KCNH5: variants seen among roughly 807,000 people sequenced by gnomAD.
KCNH5 encodes potassium voltage-gated channel subfamily H member 5.
A neutral mutation model predicts 96.1 loss-of-function variants in KCNH5; 46 were observed. The ratio of observed to expected loss-of-function variants is 0.48; its 90% confidence interval spans 0.38 to 0.61. KCNH5 has a LOEUF of 0.61. Ranked by LOEUF, KCNH5 falls within the 20% of genes least tolerant of loss-of-function variation. The pLI, the probability that KCNH5 is intolerant of heterozygous loss-of-function variation, is 0.00. For synonymous variants in KCNH5, 439 were observed against 449.8 expected (o/e 0.98, Z 0.30); for missense variants, 907 against 1,225.8 (o/e 0.74, Z 3.88).
intron 7 of KCNH5, among the ~76,000 whole-genome samples, chr14:62,873,832 A>T (rs1355288134): frequency 6.6e-6 from 1 of 152,198 alleles, no homozygotes. Context: ...TGCTGCTGAC[A>T]GACACAAAGT....
chr14:62,916,232 G>T (rs1178408684), intron 7 of KCNH5, among the ~76,000 whole-genome samples: 1 of 152,112 alleles, frequency 6.6e-6, no homozygotes, highest in Non-Finnish European at 1.5e-5. Context: ...GATTACAGGC[G>T]TGAGCCACCA....
chr14:63,003,760 C>T (rs1204315904), intron 3 of KCNH5, among the ~76,000 whole-genome samples: 6 of 148,712 alleles, frequency 4.0e-5, no homozygotes, highest in Non-Finnish European at 8.9e-5. Context: ...GCTGGGACTA[C>T]AAGGCGCCTG....
At chr14:62,756,074 A>G (rs1885617912) in intron 10 of KCNH5, among the ~76,000 whole-genome samples, 1 of 152,124 alleles carries the variant, frequency 6.6e-6, no homozygotes, top group African/African-American at 2.4e-5. Flanking sequence ...CCACCAAAAA[A>G]CTATTAGAAC....
chr14:62,840,043 A>C (rs114675677), intron 8 of KCNH5, among the ~76,000 whole-genome samples: 4,706 of 152,234 alleles, frequency 0.031, 93 homozygotes, highest in Middle Eastern at 0.044. Flanking sequence ...TTTCTCCCCC[A>C]TCAGACTCTG....
At chr14:62,897,526 T>C (rs988335420) in intron 7 of KCNH5, among the ~76,000 whole-genome samples, 1 of 151,916 alleles carries the variant, frequency 6.6e-6, no homozygotes, top group Non-Finnish European at 1.5e-5. Context: ...TGCTGGAATA[T>C]GGGGGGAAAA....
chr14:63,044,477 C>T (rs929306431), intron 1 of KCNH5, among the ~76,000 whole-genome samples: 1 of 152,076 alleles, frequency 6.6e-6, no homozygotes, highest in African/African-American at 2.4e-5. Flanking sequence ...TTAAGTCAAA[C>T]GAAATATATA....
intron 8 of KCNH5, among the ~76,000 whole-genome samples, chr14:62,835,500 T>G (rs902733931): frequency 6.6e-6 from 1 of 152,008 alleles, no homozygotes; most frequent in African/African-American, 2.4e-5. Context: ...TATTACCCAA[T>G]TAATGTAATA....
chr14:62,782,573 G>T lies in KCNH5; in HGVS notation c.1823-2649C>A, dbSNP rs189000189. Among the ~76,000 whole-genome samples the T allele has an allele frequency of 3.5e-4, 53 of 152,226 alleles. 1 individual carries two copies. The East Asian group carries it at 9.1e-3, about 26-fold the overall frequency. ...TACAGCATCATAATAACCAAAGGGA[G>T]GCCAAGGCAGGCGGATCACGAGGTC... On this transcript the variant is annotated intron_variant, in intron 9 of 10. Coordinates refer to ENST00000322893, the MANE Select transcript of KCNH5 (RefSeq NM_139318.5).
chr14:62,814,220 T>C (rs112159931), intron 8 of KCNH5, among the ~76,000 whole-genome samples: 1 of 147,108 alleles, frequency 6.8e-6, no homozygotes, highest in Non-Finnish European at 1.5e-5. Flanking sequence ...TTCTACCAGG[T>C]TTTTCACAAT....
intron 10 of KCNH5, among the ~76,000 whole-genome samples, chr14:62,770,135 C>T (rs368024284): frequency 5.9e-5 from 9 of 152,270 alleles, no homozygotes; most frequent in African/African-American, 2.2e-4. Flanking sequence ...AGTTGGAACA[C>T]CCATTGTCAC....
intron 10 of KCNH5, among the ~76,000 whole-genome samples, chr14:62,772,720 C>G (rs920235009): frequency 1.3e-5 from 2 of 151,280 alleles, no homozygotes; most frequent in East Asian, 3.9e-4. Flanking sequence ...ACCAGTACAG[C>G]AGTATTGACA....
intron 1 of KCNH5, among the ~76,000 whole-genome samples, chr14:63,026,117 G>A (rs1330212320): frequency 6.6e-6 from 1 of 151,950 alleles, no homozygotes; most frequent in African/African-American, 2.4e-5. Context: ...ATGAGGAAAG[G>A]GCAATCTCTT....
intron 10 of KCNH5, among the ~76,000 whole-genome samples, chr14:62,736,401 A>AG (rs964400400): frequency 2.7e-5 from 4 of 149,552 alleles, no homozygotes; most frequent in Middle Eastern, 3.2e-3. Context: ...CACCTTAATA[A>AG]AAAAAAAAAG....
intron 8 of KCNH5, among the ~76,000 whole-genome samples, chr14:62,805,795 T>G (rs1253881272): frequency 6.6e-6 from 1 of 152,188 alleles, no homozygotes; most frequent in African/African-American, 2.4e-5. Flanking sequence ...TTTTCAGAGT[T>G]GTTTGTCCCC....
chr14:62,979,654 A>G (rs565163143), intron 6 of KCNH5, among the ~76,000 whole-genome samples: 29 of 152,170 alleles, frequency 1.9e-4, no homozygotes, highest in Non-Finnish European at 2.9e-4. Flanking sequence ...TATTATCATA[A>G]TGAACATATT....
chr14:62,908,780 G>GTTTTTT (rs1451340124), intron 7 of KCNH5, among the ~76,000 whole-genome samples: 8 of 19,790 alleles, frequency 4.0e-4, no homozygotes, highest in African/African-American at 4.4e-4. Context: ...ATTTTGCTTT[G>GTTTTTT]TATTTTTTTT....
chr14:62,703,383 A>G lies in KCNH5; in HGVS notation c.*4125T>C, dbSNP rs1056156134. The G allele has an allele frequency of 1.3e-5, 2 of 151,974 alleles. No individual in the cohort carries two copies. Among genetic ancestry groups the G allele is most frequent in the African/African-American group, 4.8e-5 (2 of 41,452 alleles). 9.4% of individuals were successfully genotyped at this position (151,974 alleles called of 1,614,324 possible). ...AGTACATCGTGGATACTCTTCTATG[A>G]AAGAATGAAAAAGTGATCACTTGTC... On this transcript the variant is annotated 3_prime_UTR_variant, in exon 11 of 11. Transcript: ENST00000322893.
At chr14:62,736,345 A>G (rs1009748277) in intron 10 of KCNH5, among the ~76,000 whole-genome samples, 2 of 152,176 alleles carry the variant, frequency 1.3e-5, no homozygotes, top group Non-Finnish European at 1.5e-5. Context: ...CCTTACTGAC[A>G]GAGGAGGAGC....
Position 62,817,112 on chromosome 14 carries a change from C to A in KCNH5, c.1570-14531G>T, listed in dbSNP as rs1382616477. Reference sequence around the variant, plus strand: ...ATATATTATATATAATTATATATGACATAATATATTTATTATAATATATAA... The same window carrying A: ...ATATATTATATATAATTATATATGAAATAATATATTTATTATAATATATAA... On this transcript the variant is annotated intron_variant, in intron 8 of 10. Transcript: ENST00000322893. Among the ~76,000 whole-genome samples, 11 of 130,536 alleles carry A rather than the reference C, an allele frequency of 8.4e-5. No individual in the cohort carries two copies. In the Middle Eastern group the frequency reaches 0.015, roughly 177 times the overall value. 85.6% of individuals were successfully genotyped at this position (130,536 alleles called of 152,430 possible).
Sources: gnomAD v4.1 joint callset for allele counts (sites outside exome capture counted in the v4.1 genomes callset) on GRCh38, gnomAD v4.1.1 for gene constraint, MANE v1.5 for transcripts, NCBI Gene and HGNC (gene_info 2026-07-23, HGNC 2026-07-21) for gene names.